Variants in RASGEF1A observed in about 807,000 individuals in gnomAD.
The protein encoded by RASGEF1A is ras-GEF domain-containing family member 1A.
A neutral mutation model predicts 56.4 loss-of-function variants in RASGEF1A; 18 were observed. The ratio of observed to expected loss-of-function variants is 0.32; its 90% CI spans 0.22 to 0.47. The LOEUF (loss-of-function observed/expected upper bound fraction) is 0.47, where lower values mean the gene tolerates loss of function less well. Among genes scored for constraint, RASGEF1A ranks in the 20% least tolerant of loss-of-function variants. The pLI, the probability that RASGEF1A is intolerant of heterozygous loss-of-function variation, is 1.00. For missense variants in RASGEF1A, 422 were observed against 627.1 expected (o/e 0.67, Z 3.49); for synonymous variants, 245 against 242.6 (o/e 1.01, Z -0.09).
chr10:43,209,056 G>A (rs1588932791), intron 1 of RASGEF1A: 1 of 985,462 alleles, frequency 1.0e-6, no homozygotes, highest in Middle Eastern at 5.2e-4. Context: ...CAACAGCAGG[G>A]GCAGGCACTT....
At chr10:43,200,091 G>A (rs528722615) in intron 6 of RASGEF1A, 91 bp downstream of exon 6, 37 of 1,057,034 alleles carry the variant, frequency 3.5e-5, no homozygotes, top group Middle Eastern at 2.8e-4. Flanking sequence ...CGCTCGGGGC[G>A]TGCTGAGTGA....
intron 1 of RASGEF1A, chr10:43,229,620 G>A: frequency 1.3e-6 from 2 of 1,490,172 alleles, no homozygotes; most frequent in East Asian, 2.8e-5. Flanking sequence ...TTGCGCCTGG[G>A]CCCGCCGCAG....
At chr10:43,248,651 T>G (rs1417046786) in intron 1 of RASGEF1A, among the ~76,000 whole-genome samples, 1 of 151,460 alleles carries the variant, frequency 6.6e-6, no homozygotes, top group African/African-American at 2.4e-5. Context: ...TAATAAGGCA[T>G]TTTTTTTTCT....
At chr10:43,263,999 G>A (rs1171577233) in intron 1 of RASGEF1A, among the ~76,000 whole-genome samples, 1 of 152,052 alleles carries the variant, frequency 6.6e-6, no homozygotes, top group South Asian at 2.1e-4. Context: ...GGTGCCTGGA[G>A]CAGCCTCTAC....
At chr10:43,249,495 T>G (rs1840602879) in intron 1 of RASGEF1A, among the ~76,000 whole-genome samples, 1 of 152,220 alleles carries the variant, frequency 6.6e-6, no homozygotes, top group South Asian at 2.1e-4. Flanking sequence ...TGCTGGTGAT[T>G]TGGCCAGCAA....
chr10:43,210,224 C>G (rs1479596554), intron 1 of RASGEF1A, among the ~76,000 whole-genome samples: 2 of 152,146 alleles, frequency 1.3e-5, no homozygotes, highest in African/African-American at 4.8e-5. Context: ...GTAATCCCAG[C>G]ACTTTGAGAG....
In RASGEF1A at chr10:43,229,705, C is replaced by G. The variant is rs971257354; in HGVS notation, c.-6-23583G>C. 9 of 1,424,106 alleles carry G rather than the reference C, an allele frequency of 6.3e-6. No homozygotes were observed. The African/African-American group carries it at 1.2e-4, about 19-fold the overall frequency. The allele number at this position is 1,424,106 out of a possible 1,614,324, so 88.2% of individuals were successfully genotyped here. On this transcript the variant is annotated intron_variant, in intron 1 of 12. Transcript: ENST00000395810. ...CCTGCCCGGTCCGGCGTCCAGCGAGCGGCGGCTCCTCTGCCCGCGAGCCAA... is the reference window on the plus strand; with the variant it reads ...CCTGCCCGGTCCGGCGTCCAGCGAGGGGCGGCTCCTCTGCCCGCGAGCCAA...
intron 1 of RASGEF1A, among the ~76,000 whole-genome samples, chr10:43,240,955 T>G (rs1747583722): frequency 6.6e-6 from 1 of 152,068 alleles, no homozygotes; most frequent in Non-Finnish European, 1.5e-5. Flanking sequence ...AGAAAAGAGG[T>G]GTCAACCATG....
intron 1 of RASGEF1A, among the ~76,000 whole-genome samples, chr10:43,218,525 G>A (rs963251074): frequency 6.6e-6 from 1 of 152,236 alleles, no homozygotes; most frequent in Non-Finnish European, 1.5e-5. Context: ...GTCCTTGGGA[G>A]CACATGCTGG....
chr10:43,244,852 C>T (rs1405336150), intron 1 of RASGEF1A, among the ~76,000 whole-genome samples: 2 of 151,960 alleles, frequency 1.3e-5, no homozygotes, highest in South Asian at 2.1e-4. Flanking sequence ...TATAAATGTC[C>T]ACATTAAAAA....
chr10:43,218,079 T>A (rs1438246050), intron 1 of RASGEF1A, among the ~76,000 whole-genome samples: 1 of 152,206 alleles, frequency 6.6e-6, no homozygotes, highest in East Asian at 1.9e-4. Flanking sequence ...CTCCAGCACC[T>A]GCTTCCCAGG....
At chr10:43,198,300 T>A in intron 9 of RASGEF1A, 105 bp from the exon 10 acceptor site, 1 of 1,064,310 alleles carries the variant, frequency 9.4e-7, no homozygotes, top group Non-Finnish European at 1.3e-6. Context: ...AGAAGGCACC[T>A]GGCCCCTGGG....
chr10:43,197,857 C>A, intron 10 of RASGEF1A, 147 bp downstream of exon 10: 1 of 638,320 alleles, frequency 1.6e-6, no homozygotes, highest in Non-Finnish European at 2.7e-6. Flanking sequence ...CCCCGTGACC[C>A]ACTATGAGGC....
chr10:43,250,958 G>A (rs1415867149), intron 1 of RASGEF1A, among the ~76,000 whole-genome samples: 1 of 152,256 alleles, frequency 6.6e-6, no homozygotes, highest in Admixed American at 6.5e-5. Context: ...GAGCTGCCCA[G>A]GGCCAGGCAG....
chr10:43,230,095 C>T (rs1048808470), intron 1 of RASGEF1A, among the ~76,000 whole-genome samples: 1 of 151,974 alleles, frequency 6.6e-6, no homozygotes, highest in Non-Finnish European at 1.5e-5. Flanking sequence ...CAGCGTGGGT[C>T]GGGGCTCGGC....
At chr10:43,224,481 A>G (rs541502227) in intron 1 of RASGEF1A, among the ~76,000 whole-genome samples, 1 of 152,330 alleles carries the variant, frequency 6.6e-6, no homozygotes, top group Non-Finnish European at 1.5e-5. Flanking sequence ...ATAAGTCAAC[A>G]CATTAATAGG....
At chr10:43,220,657 C>T (rs1840195461) in intron 1 of RASGEF1A, among the ~76,000 whole-genome samples, 1 of 152,080 alleles carries the variant, frequency 6.6e-6, no homozygotes, top group Non-Finnish European at 1.5e-5. Context: ...CGGTGGTGCA[C>T]ACCTGTAATC....
chr10:43,256,196 C>G (rs1293759841), intron 1 of RASGEF1A, among the ~76,000 whole-genome samples: 2 of 152,294 alleles, frequency 1.3e-5, no homozygotes, highest in East Asian at 3.9e-4. Flanking sequence ...AGTGAGGATG[C>G]TGAGGGGGCC....
chr10:43,215,252 G>T (rs1349144774), intron 1 of RASGEF1A, among the ~76,000 whole-genome samples: 1 of 152,210 alleles, frequency 6.6e-6, no homozygotes, highest in Admixed American at 6.5e-5. Context: ...AGGGGTTCGA[G>T]CCAGCCCCCT....
Sources: gnomAD v4.1 joint callset for allele counts (sites outside exome capture counted in the v4.1 genomes callset) on GRCh38, gnomAD v4.1.1 for gene constraint, MANE v1.5 for transcripts, NCBI Gene and HGNC (gene_info 2026-07-23, HGNC 2026-07-21) for gene names.